The following LARP1B variants were observed in gnomAD, a reference collection of about 807,000 sequenced individuals.
The protein encoded by LARP1B is la-related protein 1B.
Under a neutral mutation model 114.2 loss-of-function variants are expected in LARP1B, and 76 were observed. The observed-to-expected ratio is 0.67, with a 90% confidence interval of 0.55 to 0.81. LARP1B has a LOEUF of 0.81. Ranked by LOEUF, LARP1B falls within the 30% of genes least tolerant of loss-of-function variation. The pLI is 0.00. For synonymous variants in LARP1B, 345 were observed against 348.0 expected, an observed-to-expected ratio of 0.99 and a Z score of 0.10; for missense variants, 1,014 against 1,075.8, an observed-to-expected ratio of 0.94 and a Z score of 0.80.
At chr4:128,109,164 G>C (rs1464859858) in intron 9 of LARP1B, among the ~76,000 whole-genome samples, 2 of 152,092 alleles carry the variant, frequency 1.3e-5, no homozygotes, top group Non-Finnish European at 2.9e-5. Flanking sequence ...ATTTCCTAGT[G>C]ATAAGAAAGC....
At chr4:128,188,791 G>A (rs752458657) in intron 15 of LARP1B, among the ~76,000 whole-genome samples, 10 of 151,990 alleles carry the variant, frequency 6.6e-5, no homozygotes, top group Admixed American at 5.2e-4. Context: ...TAATTTCCAC[G>A]TTTGTGTAGA....
intron 12 of LARP1B, among the ~76,000 whole-genome samples, chr4:128,166,162 C>T (rs1211776295): frequency 6.6e-6 from 1 of 152,060 alleles, no homozygotes; most frequent in African/African-American, 2.4e-5. Flanking sequence ...TCCAAGGACT[C>T]TTCCTCCTAG....
Position 128,069,061 on chromosome 4 carries a change from C to T in LARP1B, c.-77-5399C>T, listed in dbSNP as rs183113395. 101 of 1,014,676 alleles carry T rather than the reference C, an allele frequency of 1.0e-4. No individual in the cohort carries two copies. In the African/African-American group the frequency reaches 1.5e-3, roughly 16 times the overall value. The allele number at this position is 1,014,676 out of a possible 1,614,324, so 62.9% of individuals were successfully genotyped here. On this transcript the variant is annotated intron_variant, in intron 1 of 19. Transcript: ENST00000326639. ...AGAGTATTGCGCCTTCTCCAAGCTC[C>T]CTGGTGAGAACCACCAATAGTGTGG...
rs192719645 is a variant in LARP1B at position 128,174,211 on chromosome 4, A to G, written c.1649-2661A>G. ...TTTGGCTATTATGAAAAATGCTATT[A>G]TGACTATTCATGTTCAAGAGATGGC... On this transcript the variant is annotated intron_variant, in intron 12 of 19. Coordinates refer to ENST00000326639, the MANE Select transcript of LARP1B (RefSeq NM_018078.4). 3.8e-3 allele frequency among the ~76,000 whole-genome samples: 583 copies of G among 152,202 alleles called. 3 individuals carry two copies. Among genetic ancestry groups the G allele is most frequent in the Non-Finnish European group, 6.5e-3 (443 of 67,962 alleles).
chr4:128,206,635 C>A (rs1757672465), intron 18 of LARP1B, 98 bp downstream of exon 18: 1 of 1,470,428 alleles, frequency 6.8e-7, no homozygotes, highest in Admixed American at 2.6e-5. Flanking sequence ...TTCTTCAGGG[C>A]AAACCATTTA....
At chr4:128,201,591 T>A (rs1755962439) in intron 17 of LARP1B, among the ~76,000 whole-genome samples, 1 of 152,236 alleles carries the variant, frequency 6.6e-6, no homozygotes, top group Non-Finnish European at 1.5e-5. Context: ...CTCTCTAGCC[T>A]CTGGACATCT....
intron 1 of LARP1B, among the ~76,000 whole-genome samples, chr4:128,063,518 G>T (rs959759268): frequency 6.8e-6 from 1 of 146,948 alleles, no homozygotes; most frequent in Non-Finnish European, 1.5e-5. Flanking sequence ...GGTGGCTCAC[G>T]CCTGTAATCC....
intron 3 of LARP1B, among the ~76,000 whole-genome samples, chr4:128,075,876 A>G (rs1767634796): frequency 1.3e-5 from 2 of 152,040 alleles, no homozygotes; most frequent in Admixed American, 6.6e-5. Context: ...AAGACATATT[A>G]TAAATTGTAA....
At chr4:128,183,773 T>C (rs1440747711) in intron 15 of LARP1B, among the ~76,000 whole-genome samples, 1 of 152,200 alleles carries the variant, frequency 6.6e-6, no homozygotes, top group Non-Finnish European at 1.5e-5. Context: ...TGGAGAGTAT[T>C]CACCATTCTA....
chr4:128,078,048 A>G, intron 4 of LARP1B, 86 bp downstream of exon 4: 1 of 877,510 alleles, frequency 1.1e-6, no homozygotes. Flanking sequence ...GATCTCTGGT[A>G]GTCAAAAATG....
At chr4:128,123,078 G>T in intron 11 of LARP1B, 3 of 985,372 alleles carry the variant, frequency 3.0e-6, no homozygotes, top group Non-Finnish European at 3.6e-6. Context: ...CCAATTAGTG[G>T]CTGAGTAGAG....
In LARP1B at chr4:128,210,938, A is replaced by G. The variant is rs188215830; in HGVS notation, c.*885A>G. 7.0e-4 allele frequency: 666 copies of G among 946,676 alleles called. 5 individuals are homozygous for G. In the African/African-American group the frequency reaches 0.011, roughly 16 times the overall value. 58.6% of individuals were successfully genotyped at this position (946,676 alleles called of 1,614,324 possible). ...TTATACATCTGCAAGTGGGTATGTC[A>G]TAAGGAGTCAGATTATCTTTAATTT... On this transcript the variant is annotated 3_prime_UTR_variant, in exon 20 of 20. Coordinates refer to ENST00000326639, the MANE Select transcript of LARP1B (RefSeq NM_018078.4).
rs550680150 is a variant in LARP1B, at chr4:128,171,253, C to T, written c.1649-5619C>T. On this transcript the variant is annotated intron_variant, in intron 12 of 19. Coordinates refer to ENST00000326639, the MANE Select transcript of LARP1B (RefSeq NM_018078.4). ...AAGCAATCCTACCACCTCAGCCTCCCGAGTAGGTCGGACTACAGGTGCACG... is the reference window on the plus strand; with the variant it reads ...AAGCAATCCTACCACCTCAGCCTCCTGAGTAGGTCGGACTACAGGTGCACG... 6.6e-5 allele frequency among the ~76,000 whole-genome samples: 10 copies of T among 152,142 alleles called. No individual in the cohort carries two copies. In the East Asian group the frequency reaches 9.7e-4, roughly 15 times the overall value.
intron 11 of LARP1B, among the ~76,000 whole-genome samples, chr4:128,147,069 T>C (rs1730663142): frequency 6.6e-6 from 1 of 152,184 alleles, no homozygotes; most frequent in Admixed American, 6.5e-5. Flanking sequence ...TTAACAGATA[T>C]TTGAGTAGCT....
chr4:128,121,987 T>A lies in LARP1B; in HGVS notation c.1323T>A (p.Asp441Glu). ...WSDNDSDYEI[D>E]DQDLNKILIV... Reference sequence around the variant, plus strand: ...ATAATGATTCAGATTATGAAATTGATGACCAAGACTTAAACAAGATTTTGA... The same window carrying A: ...ATAATGATTCAGATTATGAAATTGAAGACCAAGACTTAAACAAGATTTTGA... The change falls in exon 11 of 20, where the codon GAT becomes GAA. Residue 441 changes from aspartate (D) to glutamate (E), a missense_variant. Coordinates refer to ENST00000326639, the MANE Select transcript of LARP1B (RefSeq NM_018078.4). 6.2e-7 allele frequency: 1 copy of A among 1,613,176 alleles called. No homozygotes were observed. The highest frequency in any genetic ancestry group is 8.5e-7 in the Non-Finnish European group (1 of 1,179,952).
intron 8 of LARP1B, among the ~76,000 whole-genome samples, chr4:128,102,486 C>T (rs1334947996): frequency 6.6e-6 from 1 of 152,192 alleles, no homozygotes; most frequent in Non-Finnish European, 1.5e-5. Flanking sequence ...CCAGCTTCTT[C>T]CCATATGTAT....
intron 15 of LARP1B, among the ~76,000 whole-genome samples, chr4:128,194,852 G>A (rs1339967334): frequency 1.3e-5 from 2 of 151,488 alleles, no homozygotes; most frequent in Non-Finnish European, 2.9e-5. Context: ...GGGCAACTGA[G>A]TGAGACTCCA....
In LARP1B at chr4:128,090,991, T is replaced by C. The variant is rs781026663; in HGVS notation, c.359-10T>C. 6.4e-7 allele frequency: 1 copy of C among 1,574,500 alleles called. No individual in the cohort carries two copies. Among genetic ancestry groups the C allele is most frequent in the Middle Eastern group, 1.7e-4 (1 of 5,810 alleles). On this transcript the variant is annotated splice_polypyrimidine_tract_variant and intron_variant, in intron 5 of 19. Coordinates refer to ENST00000326639, the MANE Select transcript of LARP1B (RefSeq NM_018078.4). ...ATCGAAGTATATAAAAATATTTTTA[T>C]TTTTAAAAGGTTGGAAGCGAGATAG...
At chr4:128,063,914 CAA>C (rs140603011) in intron 1 of LARP1B, among the ~76,000 whole-genome samples, 5,963 of 152,100 alleles carry the variant, frequency 0.039, 370 homozygotes, top group African/African-American at 0.14. Flanking sequence ...AGCAGCAGAA[CAA>C]GAAATATTTG....
Sources: allele counts gnomAD v4.1 joint callset (sites outside exome capture counted in the v4.1 genomes callset), GRCh38; gene constraint gnomAD v4.1.1; transcripts MANE v1.5; gene names NCBI Gene and HGNC (gene_info 2026-07-23, HGNC 2026-07-21).